Variants in DPP6 observed in about 807,000 individuals in gnomAD.
The protein encoded by DPP6 is A-type potassium channel modulatory protein DPP6.
Under a neutral mutation model 122.6 loss-of-function variants are expected in DPP6, and 69 were observed. The observed-to-expected ratio is 0.56, with a 90% CI of 0.46 to 0.69. The LOEUF is 0.69. Among genes scored for constraint, DPP6 ranks in the 30% least tolerant of loss-of-function variants. DPP6 has a pLI of 0.00. For synonymous variants in DPP6, 418 were observed against 433.1 expected (o/e 0.97, Z 0.43); for missense variants, 928 against 1,116.9 (o/e 0.83, Z 2.41).
chr7:154,173,491 C>T (rs1797640902), intron 1 of DPP6, among the ~76,000 whole-genome samples: 1 of 152,158 alleles, frequency 6.6e-6, no homozygotes, highest in Non-Finnish European at 1.5e-5. Flanking sequence ...CAAGGCCGTG[C>T]TCTCCTGCTC....
chr7:154,153,506 G>T (rs1326581945), intron 1 of DPP6, among the ~76,000 whole-genome samples: 1 of 152,174 alleles, frequency 6.6e-6, no homozygotes, highest in African/African-American at 2.4e-5. Context: ...TTAGATAAAA[G>T]GCACTTGTTA....
At chr7:153,906,612 A>G (rs1454633407) in intron 1 of DPP6, among the ~76,000 whole-genome samples, 1 of 152,008 alleles carries the variant, frequency 6.6e-6, no homozygotes, top group Non-Finnish European at 1.5e-5. Flanking sequence ...TACCATGTCT[A>G]GTTAATTTTT....
chr7:154,123,651 C>T (rs113668055), intron 1 of DPP6, among the ~76,000 whole-genome samples: 62,573 of 151,822 alleles, frequency 0.41, 14,088 homozygotes, highest in Non-Finnish European at 0.51. Flanking sequence ...GCACCAGGTG[C>T]AGGAGACAGA....
intron 1 of DPP6, among the ~76,000 whole-genome samples, chr7:154,288,553 T>G (rs1283283179): frequency 1.3e-5 from 2 of 152,228 alleles, no homozygotes; most frequent in Admixed American, 6.5e-5. Context: ...CTTACCCACT[T>G]CTTAAGGCAG....
chr7:154,691,722 G>A (rs1839940897), intron 7 of DPP6, among the ~76,000 whole-genome samples: 1 of 152,162 alleles, frequency 6.6e-6, no homozygotes, highest in African/African-American at 2.4e-5. Flanking sequence ...AGGAAGCTGA[G>A]GCAGGAGAAT....
chr7:154,358,246 G>A (rs1466496772), intron 1 of DPP6, among the ~76,000 whole-genome samples: 2 of 152,206 alleles, frequency 1.3e-5, no homozygotes, highest in African/African-American at 2.4e-5. Context: ...CTAGGTCAGT[G>A]TAAGGAGGGG....
chr7:154,421,162 A>AT (rs35946561), intron 1 of DPP6, among the ~76,000 whole-genome samples: 125,906 of 151,988 alleles, frequency 0.83, 55,063 homozygotes, highest in East Asian at 1. Context: ...ACAATGCCTA[A>AT]TTTTCAGCAT....
chr7:154,170,807 A>G (rs996935313), intron 1 of DPP6, among the ~76,000 whole-genome samples: 2 of 152,220 alleles, frequency 1.3e-5, no homozygotes, highest in Admixed American at 6.5e-5. Context: ...GGACTAGTTC[A>G]TCCTCCATAA....
intron 22 of DPP6, among the ~76,000 whole-genome samples, chr7:154,887,021 G>C (rs1220004253): frequency 6.6e-6 from 1 of 152,212 alleles, no homozygotes; most frequent in Non-Finnish European, 1.5e-5. Context: ...TTTCAGATTT[G>C]TCTGATTCAA....
At chr7:154,183,850 G>C (rs1798220356) in intron 1 of DPP6, among the ~76,000 whole-genome samples, 1 of 152,246 alleles carries the variant, frequency 6.6e-6, no homozygotes, top group African/African-American at 2.4e-5. Flanking sequence ...TGTCACAAAA[G>C]TGAGTGTAAA....
At chr7:154,435,533 A>G (rs1818789988) in intron 1 of DPP6, among the ~76,000 whole-genome samples, 2 of 152,226 alleles carry the variant, frequency 1.3e-5, no homozygotes, top group South Asian at 4.1e-4. Context: ...GAGAAGAGCC[A>G]CCAATAATGA....
intron 7 of DPP6, among the ~76,000 whole-genome samples, chr7:154,689,193 A>C (rs2131207431): frequency 6.6e-6 from 1 of 152,290 alleles, no homozygotes; most frequent in African/African-American, 2.4e-5. Context: ...AATGCTCCCA[A>C]GTTTTTGCCA....
At chr7:154,647,067 C>T (rs887453078) in intron 6 of DPP6, among the ~76,000 whole-genome samples, 2 of 152,300 alleles carry the variant, frequency 1.3e-5, no homozygotes, top group South Asian at 4.1e-4. Context: ...ACACCCATGT[C>T]CCTGGTTCCT....
chr7:153,921,549 G>A (rs1800639760), intron 1 of DPP6, among the ~76,000 whole-genome samples: 2 of 152,314 alleles, frequency 1.3e-5, no homozygotes, highest in South Asian at 4.2e-4. Flanking sequence ...GTTTGATCCA[G>A]TAAAGTGTGT....
intron 12 of DPP6, among the ~76,000 whole-genome samples, chr7:154,796,391 C>T (rs114308730): frequency 6.6e-6 from 1 of 152,198 alleles, no homozygotes; most frequent in Admixed American, 6.5e-5. Context: ...GATAAAGGAA[C>T]ACACATTAAA....
intron 1 of DPP6, among the ~76,000 whole-genome samples, chr7:154,437,809 G>C (rs945789789): frequency 6.6e-6 from 1 of 152,070 alleles, no homozygotes; most frequent in Admixed American, 6.5e-5. Flanking sequence ...GGTGGTGGAC[G>C]CCTGTAATCC....
intron 12 of DPP6, among the ~76,000 whole-genome samples, chr7:154,797,638 G>A (rs1798121763): frequency 6.6e-6 from 1 of 152,134 alleles, no homozygotes; most frequent in Non-Finnish European, 1.5e-5. Context: ...CCAAGGCCGG[G>A]GGAGTATGGA....
Position 154,769,439 on chromosome 7 carries a change from C to T in DPP6, c.906C>T (p.Ile302=), listed in dbSNP as rs763913262. Residue 302 remains isoleucine (I), a synonymous_variant, in exon 9 of 26, where the codon ATC becomes ATT. Transcript: ENST00000377770. ...TAGAGGAGATTTTGAAGACACACAT[C>T]GCACACTGGTGGTCTCCGGATGGCA... ...LYEEEILKTH[I]AHWWSPDGTR... 1.3e-5 allele frequency: 21 copies of T among 1,613,564 alleles called. No homozygotes were observed. The highest frequency in any genetic ancestry group is 6.6e-5 in the South Asian group (6 of 91,052).
intron 1 of DPP6, among the ~76,000 whole-genome samples, chr7:154,015,466 G>A (rs771290343): frequency 6.6e-6 from 1 of 152,060 alleles, no homozygotes; most frequent in Non-Finnish European, 1.5e-5. Context: ...AGTTTTCAAA[G>A]TGCCCATCTG....
Sources: allele counts gnomAD v4.1 joint callset (sites outside exome capture counted in the v4.1 genomes callset), GRCh38; gene constraint gnomAD v4.1.1; transcripts MANE v1.5; gene names NCBI Gene and HGNC (gene_info 2026-07-23, HGNC 2026-07-21).